The following R3HDM1 variants were observed in gnomAD, a reference collection of about 807,000 sequenced individuals.
The protein encoded by R3HDM1 is R3H domain-containing protein 1.
Under a neutral mutation model 141.1 loss-of-function variants are expected in R3HDM1, and 46 were observed. The ratio of observed to expected loss-of-function variants is 0.33; its 90% CI spans 0.26 to 0.42. The LOEUF (loss-of-function observed/expected upper bound fraction) is 0.42. Ranked by LOEUF, R3HDM1 falls within the 10% of genes least tolerant of loss-of-function variation. R3HDM1 has a pLI of 1.00. For synonymous variants in R3HDM1, 435 were observed against 472.9 expected (o/e 0.92, Z 1.04); for missense variants, 1,184 against 1,368.3 (o/e 0.87, Z 2.12).
At chr2:135,586,210 C>T in intron 1 of R3HDM1, 1 of 152,244 alleles carries the variant, frequency 6.6e-6, no homozygotes, top group Admixed American at 6.5e-5. Flanking sequence ...TGCATCATTG[C>T]TTCTGAATTG....
intron 23 of R3HDM1, among the ~76,000 whole-genome samples, chr2:135,710,871 G>A (rs2075547121): frequency 6.6e-6 from 1 of 152,138 alleles, no homozygotes; most frequent in Non-Finnish European, 1.5e-5. Context: ...GTTAATAAAT[G>A]CAGAAGCAAT....
chr2:135,566,757 G>A, intron 1 of R3HDM1: 1 of 985,272 alleles, frequency 1.0e-6, no homozygotes. Flanking sequence ...GATCAAAACT[G>A]TAAGCCCAGC....
At position 135,621,572 on chromosome 2, in the gene R3HDM1, G is replaced by T. The variant is rs574519132; in HGVS notation, c.382G>T (p.Ala128Ser). ...PSKDEAEKEK[A>S]SDKLPRKMLS... ...AAAAGATGAAGCAGAAAAAGAAAAGGCCAGTGATAAGTTGCCCAGAAAAAT... is the reference window on the plus strand; with the variant it reads ...AAAAGATGAAGCAGAAAAAGAAAAGTCCAGTGATAAGTTGCCCAGAAAAAT... The change falls in exon 6 of 27, where the codon GCC becomes TCC. Residue 128 changes from alanine (A) to serine (S), a missense_variant. Ala to Ser is a moderately conservative substitution (Grantham distance 99). Coordinates refer to ENST00000683871, the MANE Select transcript of R3HDM1 (RefSeq NM_001378107.1). 2 of 1,599,380 alleles carry T rather than the reference G, an allele frequency of 1.3e-6. No homozygotes were observed. The highest frequency in any genetic ancestry group is 1.7e-4 in the Middle Eastern group (1 of 6,022).
chr2:135,566,756 T>C (rs1702866289), intron 1 of R3HDM1: 6 of 985,332 alleles, frequency 6.1e-6, no homozygotes, highest in Non-Finnish European at 7.2e-6. Context: ...TGATCAAAAC[T>C]GTAAGCCCAG....
chr2:135,686,242 T>C (rs1293259329), intron 21 of R3HDM1, among the ~76,000 whole-genome samples: 1 of 152,154 alleles, frequency 6.6e-6, no homozygotes, highest in Non-Finnish European at 1.5e-5. Context: ...ATGGTGTAGC[T>C]GCTATAGAAA....
intron 24 of R3HDM1, among the ~76,000 whole-genome samples, chr2:135,717,310 C>T (rs2076260371): frequency 6.6e-6 from 1 of 151,860 alleles, no homozygotes; most frequent in South Asian, 2.1e-4. Flanking sequence ...ATAGTGAAAC[C>T]CCATCTCTAC....
At chr2:135,610,582 A>G (rs1241175335) in intron 3 of R3HDM1, among the ~76,000 whole-genome samples, 3 of 152,232 alleles carry the variant, frequency 2.0e-5, no homozygotes, top group African/African-American at 7.2e-5. Context: ...CAAGAAAGCA[A>G]TGAATCTAAT....
rs1559465542 is a variant in R3HDM1 at position 135,699,025 on chromosome 2, AGAT to A, written c.2460-10407_2460-10405del. On this transcript the variant is annotated intron_variant, in intron 21 of 26. Coordinates refer to ENST00000683871, the MANE Select transcript of R3HDM1 (RefSeq NM_001378107.1). ...TAGATAGATAGATAGATAGATAGATAGATAGATAGATAGATAGATAAGATAGAT... is the reference window on the plus strand; with the variant it reads ...TAGATAGATAGATAGATAGATAGATAAGATAGATAGATAGATAAGATAGAT... Among the ~76,000 whole-genome samples the A allele has an allele frequency of 6.8e-5, 8 of 118,224 alleles. 1 individual carries two copies. Among genetic ancestry groups the A allele is most frequent in the Admixed American group, 2.4e-4 (3 of 12,320 alleles). 77.6% of individuals were successfully genotyped at this position (118,224 alleles called of 152,430 possible).
At chr2:135,573,529 T>TC (rs1704634845) in intron 1 of R3HDM1, among the ~76,000 whole-genome samples, 1 of 151,608 alleles carries the variant, frequency 6.6e-6, no homozygotes, top group African/African-American at 2.4e-5. Flanking sequence ...GTCTGAAAAT[T>TC]CTTTTTTTTT....
chr2:135,667,671 C>T, intron 19 of R3HDM1: 1 of 977,250 alleles, frequency 1.0e-6, no homozygotes, highest in Non-Finnish European at 1.2e-6. Context: ...AAATACTCTT[C>T]TTGTAGCATT....
chr2:135,607,024 C>G (rs2060134467), intron 3 of R3HDM1, among the ~76,000 whole-genome samples: 1 of 151,610 alleles, frequency 6.6e-6, no homozygotes, highest in African/African-American at 2.4e-5. Context: ...GAGTCTCGCT[C>G]TGTCACCAGG....
chr2:135,675,548 T>C, intron 20 of R3HDM1, 62 bp downstream of exon 20: 1 of 1,457,080 alleles, frequency 6.9e-7, no homozygotes, highest in South Asian at 1.3e-5. Flanking sequence ...AGTGCACAAC[T>C]ACAATACATC....
rs2063809296 is a variant in R3HDM1 at position 135,641,751 on chromosome 2, G to C, written c.1435G>C (p.Gly479Arg). The change falls in exon 15 of 27, where the codon GGC (glycine) becomes CGC (arginine). Residue 479 changes from glycine (G) to arginine (R), a missense_variant. Gly to Arg is a moderately radical substitution (Grantham distance 125, BLOSUM62 -2). This residue lies in a region of R3HDM1 where 563 missense variants were observed against 562.0 expected (regional missense o/e 1.00). Coordinates refer to ENST00000683871, the MANE Select transcript of R3HDM1 (RefSeq NM_001378107.1). ...CTTTTTGCTTCCCTTGGAAGCGGCA[G>C]GCATACCACCTGGCAGTATTCTGAT... Reference protein sequence around the residue: ...SFFLLPLEAAGIPPGSILINP... With the variant: ...SFFLLPLEAARIPPGSILINP... 1.2e-6 allele frequency: 2 copies of C among 1,613,958 alleles called. No homozygotes were observed. Among genetic ancestry groups the C allele is most frequent in the Non-Finnish European group, 8.5e-7 (1 of 1,179,960 alleles).
At chr2:135,651,306 G>A (rs1226235615) in intron 17 of R3HDM1, 1 of 984,474 alleles carries the variant, frequency 1.0e-6, no homozygotes, top group South Asian at 4.7e-5. Flanking sequence ...AGGAAGAGGG[G>A]AGATAGTTTA....
intron 3 of R3HDM1, 90 bp downstream of exon 3, chr2:135,605,106 T>C (rs556685941): frequency 8.4e-7 from 1 of 1,189,410 alleles, no homozygotes; most frequent in Non-Finnish European, 1.2e-6. Flanking sequence ...CTCAAAATTC[T>C]AAAAGGGTAA....
chr2:135,596,515 T>C (rs1489451158), intron 1 of R3HDM1, among the ~76,000 whole-genome samples: 1 of 152,158 alleles, frequency 6.6e-6, no homozygotes, highest in Non-Finnish European at 1.5e-5. Flanking sequence ...TGAAGTCCCT[T>C]CTCCGTCTTA....
chr2:135,627,702 T>G (rs72844181), intron 7 of R3HDM1, among the ~76,000 whole-genome samples: 1,944 of 152,270 alleles, frequency 0.013, 28 homozygotes, highest in Non-Finnish European at 0.018. Flanking sequence ...TGTTTTGCTC[T>G]AGGGAACGTC....
rs934367788 is a variant in R3HDM1, at chr2:135,550,253, G to A, written c.-250+18620G>A. On this transcript the variant is annotated intron_variant, in intron 1 of 26. Coordinates refer to ENST00000683871, the MANE Select transcript of R3HDM1 (RefSeq NM_001378107.1). ...AATTAAAGCAAAGAAAGGGTAAAGG[G>A]TGTTTTTAGTCTAGCATTTAAGTTT... The A allele has an allele frequency of 1.0e-5, 10 of 974,622 alleles. No homozygotes were observed. In the African/African-American group the frequency reaches 1.8e-4, roughly 17 times the overall value. The allele number at this position is 974,622 out of a possible 1,614,324, so 60.4% of individuals were successfully genotyped here. A position where few individuals can be genotyped will look rare whatever the true frequency, so the allele number is the denominator to read the frequency against.
In R3HDM1 at chr2:135,577,659, G is replaced by A. The variant is rs1705769604; in HGVS notation, c.-249-24841G>A. 2.0e-5 allele frequency among the ~76,000 whole-genome samples: 3 copies of A among 151,804 alleles called. No homozygotes were observed. The South Asian group carries it at 6.2e-4, about 32-fold the overall frequency. Reference sequence around the variant, plus strand: ...TCGAGACCAGCCTGACCAACATGGAGAAACCCCGTCTTTACTAAAAATACA... The same window carrying A: ...TCGAGACCAGCCTGACCAACATGGAAAAACCCCGTCTTTACTAAAAATACA... On this transcript the variant is annotated intron_variant, in intron 1 of 26. Transcript: ENST00000683871.
Sources: allele counts gnomAD v4.1 joint callset (sites outside exome capture counted in the v4.1 genomes callset), GRCh38; gene constraint gnomAD v4.1.1; regional missense constraint gnomAD v4.1.1; transcripts MANE v1.5; gene names NCBI Gene and HGNC (gene_info 2026-07-23, HGNC 2026-07-21).